KCNMA1: variants seen among roughly 807,000 people sequenced by gnomAD.
KCNMA1 encodes potassium calcium-activated channel subfamily M alpha 1, also known as Calcium-activated potassium channel subunit alpha-1.
In KCNMA1, 29 loss-of-function variants were observed where a neutral mutation model predicts 140.0. That is an observed-to-expected ratio of 0.21 (90% CI 0.15 to 0.28). KCNMA1 has a LOEUF of 0.28. Among genes scored for constraint, KCNMA1 ranks in the 10% least tolerant of loss-of-function variants. KCNMA1 has a pLI of 1.00. For missense variants in KCNMA1, 880 were observed against 1,602.2 expected, an observed-to-expected ratio of 0.55 and a Z score of 7.70; for synonymous variants, 612 against 611.9, an observed-to-expected ratio of 1.00 and a Z score of 0.00.
At chr10:77,432,184 A>C (rs16913647) in intron 1 of KCNMA1, among the ~76,000 whole-genome samples, 2,975 of 152,290 alleles carry the variant, frequency 0.02, 62 homozygotes, top group Middle Eastern at 0.11. Flanking sequence ...GTGCTTAATG[A>C]GAGGCCAAAG....
chr10:76,987,175 G>T (rs1013877021), intron 19 of KCNMA1, among the ~76,000 whole-genome samples: 1 of 151,686 alleles, frequency 6.6e-6, no homozygotes, highest in African/African-American at 2.4e-5. Context: ...ATGTTAATCA[G>T]CCATTTATTG....
intron 19 of KCNMA1, among the ~76,000 whole-genome samples, chr10:76,992,283 C>A (rs997090747): frequency 6.6e-5 from 10 of 152,192 alleles, no homozygotes; most frequent in Admixed American, 2.0e-4. Context: ...AAGAATGTCT[C>A]CTCAGAATAA....
intron 5 of KCNMA1, among the ~76,000 whole-genome samples, chr10:77,149,167 A>G (rs2574806): frequency 0.026 from 3,974 of 152,292 alleles, 319 homozygotes; most frequent in East Asian, 0.25. Flanking sequence ...TTTCTGAAGG[A>G]CAGTGATTCA....
chr10:77,205,191 G>T (rs2043683660), intron 3 of KCNMA1, among the ~76,000 whole-genome samples: 1 of 152,156 alleles, frequency 6.6e-6, no homozygotes, highest in South Asian at 2.1e-4. Context: ...ATACACAGAG[G>T]TGATTGAAGC....
intron 24 of KCNMA1, chr10:76,911,643 A>T (rs1378702669): frequency 6.6e-6 from 1 of 152,196 alleles, no homozygotes. Flanking sequence ...AGCTGCTGTC[A>T]TGATCTCCCT....
chr10:77,496,608 AAAAAAAAAAAAAAAAG>A (rs1315091445), intron 1 of KCNMA1, among the ~76,000 whole-genome samples: 1 of 103,832 alleles, frequency 9.6e-6, no homozygotes, highest in Non-Finnish European at 1.7e-5. Context: ...AAAAAAAAAA[AAAAAAAAAAAAAAAAG>A]AGGACAGGTT....
chr10:77,229,294 G>A (rs558808543), intron 3 of KCNMA1, among the ~76,000 whole-genome samples: 1 of 143,534 alleles, frequency 7.0e-6, no homozygotes, highest in Admixed American at 7.1e-5. Flanking sequence ...TGCAATTTGG[G>A]TATTAATTTA....
chr10:77,427,714 TCCA>T (rs772695833), intron 1 of KCNMA1, among the ~76,000 whole-genome samples: 34,624 of 105,414 alleles, frequency 0.33, 4,475 homozygotes, highest in African/African-American at 0.5. Flanking sequence ...TGAGCATCCA[TCCA>T]TTCATTTATT....
chr10:77,223,810 G>C (rs2050448420), intron 3 of KCNMA1, among the ~76,000 whole-genome samples: 1 of 152,186 alleles, frequency 6.6e-6, no homozygotes, highest in Non-Finnish European at 1.5e-5. Flanking sequence ...AGACAAAAGT[G>C]AAGTCTTGGT....
intron 5 of KCNMA1, among the ~76,000 whole-genome samples, chr10:77,149,318 G>A (rs1005961398): frequency 4.6e-5 from 7 of 152,318 alleles, no homozygotes; most frequent in East Asian, 1.9e-4. Context: ...GGAATAAAGC[G>A]ATGTCATGGG....
chr10:77,250,815 A>C (rs917368267), intron 3 of KCNMA1: 3 of 261,428 alleles, frequency 1.1e-5, no homozygotes, highest in African/African-American at 2.2e-5. Flanking sequence ...CAACCATAGC[A>C]AGAATGGCTC....
chr10:77,007,446 G>A (rs1332350929), intron 18 of KCNMA1, among the ~76,000 whole-genome samples: 1 of 151,810 alleles, frequency 6.6e-6, no homozygotes, highest in Non-Finnish European at 1.5e-5. Context: ...GCAAATACTT[G>A]TCTCCAGTAA....
chr10:77,387,607 CTTTCTTTTCT>C (rs796705269), intron 2 of KCNMA1, among the ~76,000 whole-genome samples: 5 of 114,260 alleles, frequency 4.4e-5, no homozygotes, highest in East Asian at 4.7e-4. Flanking sequence ...CTTTTCTTTT[CTTTCTTTTCT>C]TTTCTTTTCT....
At chr10:77,577,160 C>T (rs1229511245) in intron 1 of KCNMA1, among the ~76,000 whole-genome samples, 1 of 151,898 alleles carries the variant, frequency 6.6e-6, no homozygotes, top group Non-Finnish European at 1.5e-5. Context: ...CAATTCTCTG[C>T]CTCAGCCTCC....
At chr10:76,890,227 G>A (rs1425335810) in intron 26 of KCNMA1, among the ~76,000 whole-genome samples, 1 of 152,224 alleles carries the variant, frequency 6.6e-6, no homozygotes, top group African/African-American at 2.4e-5. Context: ...GGGGCCTGAT[G>A]CAGAAAGTGA....
At chr10:77,212,668 C>A (rs557924921) in intron 3 of KCNMA1, among the ~76,000 whole-genome samples, 2 of 152,168 alleles carry the variant, frequency 1.3e-5, no homozygotes, top group South Asian at 4.2e-4. Context: ...TCTCTCCCTC[C>A]CCTGCTCAGT....
At chr10:77,356,524 C>T (rs957421652) in intron 2 of KCNMA1, among the ~76,000 whole-genome samples, 1 of 152,152 alleles carries the variant, frequency 6.6e-6, no homozygotes, top group Admixed American at 6.5e-5. Context: ...CACCGTGTGG[C>T]CTTTCAACAT....
intron 2 of KCNMA1, among the ~76,000 whole-genome samples, chr10:77,373,538 C>A (rs2094884594): frequency 6.6e-6 from 1 of 152,190 alleles, no homozygotes; most frequent in African/African-American, 2.4e-5. Flanking sequence ...TATTTTAATT[C>A]TCACATAATG....
At chr10:77,221,814 G>C (rs2049783255) in intron 3 of KCNMA1, among the ~76,000 whole-genome samples, 1 of 152,114 alleles carries the variant, frequency 6.6e-6, no homozygotes, top group African/African-American at 2.4e-5. Context: ...ACAGCATTAA[G>C]CATTAAAGGA....
Sources: gnomAD v4.1 joint callset for allele counts (sites outside exome capture counted in the v4.1 genomes callset) on GRCh38, gnomAD v4.1.1 for gene constraint, MANE v1.5 for transcripts, NCBI Gene and HGNC (gene_info 2026-07-23, HGNC 2026-07-21) for gene names.